CCDC59: variants seen among roughly 807,000 people sequenced by gnomAD.
CCDC59 encodes the protein thyroid transcription factor 1-associated protein 26.
A neutral mutation model predicts 30.5 loss-of-function variants in CCDC59; 27 were observed. The observed-to-expected ratio is 0.89, with a 90% confidence interval of 0.65 to 1.22. The LOEUF is 1.22. Ranked by LOEUF, CCDC59 falls within the 50% of genes most tolerant of loss-of-function variation. The pLI is 0.00. For synonymous variants in CCDC59, 125 were observed against 100.9 expected, an observed-to-expected ratio of 1.24 and a Z score of -1.43; for missense variants, 362 against 284.4, an observed-to-expected ratio of 1.27 and a Z score of -1.96.
In CCDC59 at chr12:82,353,061, A is replaced by C; in HGVS notation, c.*90T>G. On this transcript the variant is annotated 3_prime_UTR_variant, in exon 4 of 4. Transcript: ENST00000256151. ...TTAGCATAGTTTAGCAATCCAGTTTATGTCGACAAATTTAGTTCACTGCTG... is the reference window on the plus strand; with the variant it reads ...TTAGCATAGTTTAGCAATCCAGTTTCTGTCGACAAATTTAGTTCACTGCTG... The C allele has an allele frequency of 4.2e-6, 4 of 960,278 alleles. No individual in the cohort carries two copies. The highest frequency in any genetic ancestry group is 6.2e-6 in the Non-Finnish European group (4 of 648,374). The allele number at this position is 960,278 out of a possible 1,614,324, so 59.5% of individuals were successfully genotyped here.
At chr12:82,358,161 G>T in intron 1 of CCDC59, 62 bp downstream of exon 1, 1 of 1,591,000 alleles carries the variant, frequency 6.3e-7, no homozygotes, top group Non-Finnish European at 8.6e-7. Context: ...AAGCTTCAGC[G>T]AATCTTATAT....
chr12:82,354,433 T>C (rs1459186801), intron 3 of CCDC59, 62 bp downstream of exon 3: 7 of 1,275,666 alleles, frequency 5.5e-6, no homozygotes, highest in African/African-American at 1.5e-5. Context: ...ACAACAGGTA[T>C]AGTATATATA....
At chr12:82,356,261 A>G (rs1881006599) in intron 2 of CCDC59, 1 of 152,224 alleles carries the variant, frequency 6.6e-6, no homozygotes, top group Non-Finnish European at 1.5e-5. Context: ...ACTCTTATAA[A>G]ACCAAAGCGT....
chr12:82,353,609 T>C (rs916698617), intron 3 of CCDC59, among the ~76,000 whole-genome samples: 1 of 152,122 alleles, frequency 6.6e-6, no homozygotes, highest in Non-Finnish European at 1.5e-5. Context: ...TCATCTGATA[T>C]ACTGTTTCCA....
rs1418836023 is a variant in CCDC59, at chr12:82,358,277, G to A, written c.100C>T (p.Gln34Ter). 12 of 1,614,024 alleles carry A rather than the reference G, an allele frequency of 7.4e-6. No homozygotes were observed. Among genetic ancestry groups the A allele is most frequent in the African/African-American group, 2.7e-5 (2 of 74,916 alleles). ...GGGTGGTTAGGCCGCCATGTCTTCT[G>A]TCTCACATTCTTATTCCTGTACCCG... ...TVGYRNKNVRQKTWRPNHPQA... is the reference protein window; with the variant it reads ...TVGYRNKNVR The change falls in exon 1 of 4, where the codon CAG (glutamine) becomes TAG (stop). Residue 34 changes from glutamine to a stop codon, truncating the protein, a stop_gained. Coordinates refer to ENST00000256151, the MANE Select transcript of CCDC59 (RefSeq NM_014167.5). LOFTEE classifies it high-confidence loss of function.
At chr12:82,358,474 G>C (rs866535409), upstream of CCDC59, 6 of 1,598,004 alleles carry the variant, frequency 3.8e-6, 1 homozygote, top group East Asian at 4.5e-5. Flanking sequence ...AATCCGGCTC[G>C]GAGCTCTACT....
chr12:82,358,397 AT>A (rs752310012), upstream of CCDC59: 19 of 1,612,114 alleles, frequency 1.2e-5, no homozygotes, highest in Non-Finnish European at 1.5e-5. Context: ...TAACTGCGTC[AT>A]CAGAAGACCA....
chr12:82,355,604 A>T (rs1184547060), intron 2 of CCDC59: 1 of 152,252 alleles, frequency 6.6e-6, no homozygotes, highest in Non-Finnish European at 1.5e-5. Flanking sequence ...AAAAGGCATT[A>T]AATTCCCAAG....
intron 2 of CCDC59, chr12:82,355,760 A>G (rs1441497390): frequency 6.6e-6 from 1 of 151,848 alleles, no homozygotes; most frequent in East Asian, 1.9e-4. Flanking sequence ...CTAATCCCTC[A>G]CAACTTTTCT....
rs1880857298 is a variant in CCDC59, at chr12:82,352,495, T to A, written c.*656A>T. 1 of 152,236 alleles carries A rather than the reference T, an allele frequency of 6.6e-6. No individual in the cohort carries two copies. Among genetic ancestry groups the A allele is most frequent in the African/African-American group, 2.4e-5 (1 of 41,454 alleles). 9.4% of individuals were successfully genotyped at this position (152,236 alleles called of 1,614,324 possible). A position where few individuals can be genotyped will look rare whatever the true frequency, so the allele number is the denominator to read the frequency against. On this transcript the variant is annotated 3_prime_UTR_variant, in exon 4 of 4. Coordinates refer to ENST00000256151, the MANE Select transcript of CCDC59 (RefSeq NM_014167.5). ...ACCAACAAGGGAGACAGAGATAATG[T>A]TCTTAAAGTATAGGGTCCATAGGAA...
Position 82,357,041 on chromosome 12 carries a change from C to T in CCDC59, c.383G>A (p.Cys128Tyr). The change falls in exon 2 of 4, where the codon TGT (cysteine) becomes TAT (tyrosine). Residue 128 changes from cysteine (C) to tyrosine (Y), a missense_variant. Physicochemically the swap from Cys to Tyr is radical, Grantham distance 194 (BLOSUM62 -2). Coordinates refer to ENST00000256151, the MANE Select transcript of CCDC59 (RefSeq NM_014167.5). ...QVHQPLLEEQ[C>Y]SIDEPLFEDQ... ...TTCAAATAAAGGCTCGTCAATGCTA[C>T]ACTGTTCTTCAAGCAACGGCTGGTG... The T allele has an allele frequency of 6.2e-7, 1 of 1,614,180 alleles. No homozygotes were observed. Among genetic ancestry groups the T allele is most frequent in the East Asian group, 2.2e-5 (1 of 44,874 alleles).
At chr12:82,358,192 A>G in intron 1 of CCDC59, 31 bp downstream of exon 1, 1 of 1,613,538 alleles carries the variant, frequency 6.2e-7, no homozygotes. Flanking sequence ...AGCAAGCCTG[A>G]GGATTTGCAA....
chr12:82,357,953 T>A (rs555858079), intron 1 of CCDC59, among the ~76,000 whole-genome samples: 7 of 152,350 alleles, frequency 4.6e-5, no homozygotes, highest in African/African-American at 1.7e-4. Context: ...ATAGACTCTC[T>A]CTGCTCAGTT....
chr12:82,357,515 CTGACCA>C, intron 1 of CCDC59, among the ~76,000 whole-genome samples: 1 of 152,300 alleles, frequency 6.6e-6, no homozygotes, highest in African/African-American at 2.4e-5. Context: ...CAAAGAAAAA[CTGACCA>C]GTTCAGACTG....
chr12:82,356,928 CTT>C (rs1739476172), intron 2 of CCDC59, 30 bp downstream of exon 2: 6 of 1,519,598 alleles, frequency 3.9e-6, no homozygotes, highest in African/African-American at 2.8e-5. Flanking sequence ...TAAAACAACA[CTT>C]AAAGGATTTC....
At chr12:82,358,648 G>A (rs772162570), upstream of CCDC59, 1 of 1,614,150 alleles carries the variant, frequency 6.2e-7, no homozygotes, top group Non-Finnish European at 8.5e-7. Context: ...CAGTTCCTGA[G>A]GGATGCCCTG....
rs1880874503 is a variant in CCDC59 at position 82,353,035 on chromosome 12, T to A, written c.*116A>T. 1 of 729,964 alleles carries A rather than the reference T, an allele frequency of 1.4e-6. No homozygotes were observed. The highest frequency in any genetic ancestry group is 2.9e-5 in the Admixed American group (1 of 34,032). The allele number at this position is 729,964 out of a possible 1,614,324, so 45.2% of individuals were successfully genotyped here. On this transcript the variant is annotated 3_prime_UTR_variant, in exon 4 of 4. Transcript: ENST00000256151. ...AATAAAAATATGTGAACATCTTATA[T>A]TTAGCATAGTTTAGCAATCCAGTTT... is the stretch of plus-strand genomic sequence containing the variant.
upstream of CCDC59, chr12:82,358,730 G>C (rs552954895): frequency 5.6e-6 from 9 of 1,614,136 alleles, no homozygotes; most frequent in Non-Finnish European, 7.6e-6. Flanking sequence ...ACTTGCCACC[G>C]GAGACAGTGC....
At position 82,352,471 on chromosome 12, in the gene CCDC59, C is replaced by G. The variant is rs901144686; in HGVS notation, c.*680G>C. On this transcript the variant is annotated 3_prime_UTR_variant, in exon 4 of 4. Coordinates refer to ENST00000256151, the MANE Select transcript of CCDC59 (RefSeq NM_014167.5). ...TGGCTTATCTCAGCTCACAAGGGTA[C>G]CAACAAGGGAGACAGAGATAATGTT... 6.6e-6 allele frequency: 1 copy of G among 152,194 alleles called. No homozygotes were observed. Among genetic ancestry groups the G allele is most frequent in the Non-Finnish European group, 1.5e-5 (1 of 68,028 alleles). The allele number at this position is 152,194 out of a possible 1,614,324, so 9.4% of individuals were successfully genotyped here.
Sources: gnomAD v4.1 joint callset for allele counts (sites outside exome capture counted in the v4.1 genomes callset) on GRCh38, gnomAD v4.1.1 for gene constraint, MANE v1.5 for transcripts, NCBI Gene and HGNC (gene_info 2026-07-23, HGNC 2026-07-21) for gene names.